Variants in ANO1 observed in about 807,000 individuals in gnomAD.
The protein encoded by ANO1 is anoctamin 1.
A neutral mutation model predicts 124.0 loss-of-function variants in ANO1; 59 were observed. That is an observed-to-expected ratio of 0.48 (90% confidence interval 0.39 to 0.59). ANO1 has a LOEUF of 0.59. Ranked by LOEUF, ANO1 falls within the 20% of genes least tolerant of loss-of-function variation. The pLI is 0.00. For missense variants in ANO1, 1,059 were observed against 1,328.0 expected (o/e 0.80, Z 3.15); for synonymous variants, 529 against 532.0 (o/e 0.99, Z 0.08).
intron 1 of ANO1, among the ~76,000 whole-genome samples, chr11:70,034,707 A>G (rs1857064162): frequency 6.6e-6 from 1 of 152,158 alleles, no homozygotes; most frequent in South Asian, 2.1e-4. Flanking sequence ...CCCTGTGAGG[A>G]TGAGCAGAGA....
At chr11:69,977,172 C>A in the ANO1 span, among the ~76,000 whole-genome samples, 68 of 152,250 alleles carry the variant, frequency 4.5e-4, no homozygotes, top group African/African-American at 1.6e-3. Flanking sequence ...ACAGGTGTAG[C>A]CCCCCAGGTG....
chr11:70,111,203 C>G (rs1340880392), intron 6 of ANO1: 1 of 458,172 alleles, frequency 2.2e-6, no homozygotes, highest in Non-Finnish European at 4.4e-6. Context: ...TAAGTGTGGG[C>G]CTCCTCCGGC....
chr11:70,000,333 C>A (rs1856358678), intron 1 of ANO1, among the ~76,000 whole-genome samples: 1 of 151,644 alleles, frequency 6.6e-6, no homozygotes, highest in Non-Finnish European at 1.5e-5. Context: ...GGGGGGGATG[C>A]ACACTCCCCA....
intron 12 of ANO1, 114 bp from the exon 13 acceptor site, chr11:70,152,334 CAA>C (rs56895585): frequency 0.055 from 22,970 of 414,680 alleles, 3 homozygotes; most frequent in East Asian, 0.075. Context: ...GACTCCATCT[CAA>C]AAAAAAAAAA....
At chr11:70,183,808 A>G (rs2049013001) in intron 24 of ANO1, among the ~76,000 whole-genome samples, 2 of 152,216 alleles carry the variant, frequency 1.3e-5, no homozygotes, top group African/African-American at 2.4e-5. Flanking sequence ...CAAGCTCCGT[A>G]GGCAAGGGCC....
At chr11:70,023,914 G>A (rs557984993) in intron 1 of ANO1, among the ~76,000 whole-genome samples, 4 of 152,318 alleles carry the variant, frequency 2.6e-5, no homozygotes, top group South Asian at 2.1e-4. Context: ...AAGTCTTGTC[G>A]AGAAAATGCA....
At chr11:69,994,112 C>CG (rs1554998017) in intron 1 of ANO1, among the ~76,000 whole-genome samples, 11 of 149,562 alleles carry the variant, frequency 7.4e-5, no homozygotes, top group Non-Finnish European at 1.3e-4. Flanking sequence ...AACCCCCCCC[C>CG]ACAGTCACAG....
chr11:70,037,524 C>T (rs1224910727), intron 1 of ANO1, among the ~76,000 whole-genome samples: 2 of 152,026 alleles, frequency 1.3e-5, no homozygotes, highest in South Asian at 2.1e-4. Flanking sequence ...GGGTCACAGA[C>T]GCCAAGGAAG....
chr11:69,993,020 C>G (rs1554997787), intron 1 of ANO1, among the ~76,000 whole-genome samples: 1 of 152,188 alleles, frequency 6.6e-6, no homozygotes, highest in East Asian at 1.9e-4. Context: ...CTCATGGCAG[C>G]TCATGGGGAC....
intron 1 of ANO1, among the ~76,000 whole-genome samples, chr11:70,037,175 C>A (rs913986492): frequency 1.3e-5 from 2 of 152,120 alleles, no homozygotes; most frequent in African/African-American, 4.8e-5. Context: ...CCTGAGAAAT[C>A]CAGCTTAGGC....
rs542259870 is a variant in ANO1, at chr11:70,088,078, C to G, written c.435C>G (p.Asp145Glu). 3.7e-6 allele frequency: 5 copies of G among 1,343,110 alleles called. No homozygotes were observed. Among genetic ancestry groups the G allele is most frequent in the East Asian group, 2.9e-5 (1 of 34,126 alleles). The allele number at this position is 1,343,110 out of a possible 1,614,324, so 83.2% of individuals were successfully genotyped here. The stretch of plus-strand genomic sequence containing the variant: ...AGGCGGGCCTGGAGCTGGAGCGGGA[C>G]GAGGACGTAACTATCTCACTGCGCG... The part of the protein sequence containing the change: ...LLEAGLELER[D>E]EDTKIHGVGF... The change falls in exon 2 of 26, where the codon GAC (aspartate) becomes GAG (glutamate). Residue 145 changes from aspartate (D) to glutamate (E), a missense_variant. By Grantham distance (45) the Asp-to-Glu change is conservative. Transcript: ENST00000355303.
chr11:70,126,498 G>C lies in ANO1; in HGVS notation c.1097+303G>C, dbSNP rs181633213. On this transcript the variant is annotated intron_variant, in intron 10 of 25. Coordinates refer to ENST00000355303, the MANE Select transcript of ANO1 (RefSeq NM_018043.7). Reference sequence around the variant, plus strand: ...TATGGTTGGCTTGTTCTTTTTCACTGTTGGTCATTAGTGACAAGAAAGTTT... The same window carrying C: ...TATGGTTGGCTTGTTCTTTTTCACTCTTGGTCATTAGTGACAAGAAAGTTT... 4.0e-4 allele frequency among the ~76,000 whole-genome samples: 61 copies of C among 152,338 alleles called. No homozygotes were observed. In the East Asian group the frequency reaches 0.012, roughly 29 times the overall value.
Position 70,087,982 on chromosome 11 carries a change from G to A in ANO1, c.339G>A (p.Gly113=). The change falls in exon 2 of 26, where the codon GGG becomes GGA. Residue 113 remains glycine (G), a synonymous_variant. Transcript: ENST00000355303. The stretch of plus-strand genomic sequence containing the variant: ...GGGCGTCGCTGGATGCAGGCTCGGG[G>A]GAGCCCCCGATGGACTACCACGAGG... The part of the protein sequence containing the change: ...GKGASLDAGS[G]EPPMDYHEDD... The A allele has an allele frequency of 6.3e-7, 1 of 1,577,312 alleles. No homozygotes were observed. Among genetic ancestry groups the A allele is most frequent in the Non-Finnish European group, 8.6e-7 (1 of 1,160,498 alleles).
chr11:69,981,125 A>T (rs1324064527), upstream of ANO1, among the ~76,000 whole-genome samples: 2 of 152,268 alleles, frequency 1.3e-5, no homozygotes, highest in Admixed American at 1.3e-4. Context: ...GAAGGCAGTT[A>T]TGGCACAGGA....
At chr11:70,182,787 A>C in intron 24 of ANO1, 101 bp downstream of exon 24, 1 of 1,086,758 alleles carries the variant, frequency 9.2e-7, no homozygotes, top group Non-Finnish European at 1.2e-6. Flanking sequence ...TCATGAAACA[A>C]CGCAAACTTG....
chr11:69,985,650 C>T (rs1554996781), upstream of ANO1, among the ~76,000 whole-genome samples: 1 of 152,182 alleles, frequency 6.6e-6, no homozygotes, highest in Non-Finnish European at 1.5e-5. Context: ...CGCAGGGCCG[C>T]TCGGGGCCCC....
intron 24 of ANO1, among the ~76,000 whole-genome samples, chr11:70,184,631 G>A (rs950587888): frequency 3.9e-5 from 6 of 152,240 alleles, no homozygotes; most frequent in Non-Finnish European, 7.3e-5. Context: ...TGCCTGACAC[G>A]CCTCTGCCTG....
At chr11:70,164,859 C>A (rs891389093) in intron 19 of ANO1, among the ~76,000 whole-genome samples, 2 of 152,136 alleles carry the variant, frequency 1.3e-5, no homozygotes, top group South Asian at 4.1e-4. Flanking sequence ...AAAAAGGAGG[C>A]GCCCTGAGGC....
At chr11:70,172,294 C>T (rs773993127) in intron 22 of ANO1, among the ~76,000 whole-genome samples, 4 of 151,924 alleles carry the variant, frequency 2.6e-5, no homozygotes, top group African/African-American at 7.3e-5. Flanking sequence ...GGGAGCCCCA[C>T]GCAGGCTTCC....
Sources: allele counts gnomAD v4.1 joint callset (sites outside exome capture counted in the v4.1 genomes callset), GRCh38; gene constraint gnomAD v4.1.1; transcripts MANE v1.5; gene names NCBI Gene and HGNC (gene_info 2026-07-23, HGNC 2026-07-21).